MTUS2: variants seen among roughly 807,000 people sequenced by gnomAD.
MTUS2 encodes microtubule-associated tumor suppressor candidate 2.
In MTUS2, 40 loss-of-function variants were observed where a neutral mutation model predicts 114.1. That is an observed-to-expected ratio of 0.35 (90% CI 0.27 to 0.46). The LOEUF (loss-of-function observed/expected upper bound fraction) is 0.46. Ranked by LOEUF, MTUS2 falls within the 20% of genes least tolerant of loss-of-function variation. The pLI, the probability that MTUS2 is intolerant of heterozygous loss-of-function variation, is 1.00. For missense variants in MTUS2, 1,679 were observed against 1,705.4 expected (o/e 0.98, Z 0.27); for synonymous variants, 688 against 672.0 (o/e 1.02, Z -0.37).
At position 29,129,093 on chromosome 13, in the gene MTUS2, C is replaced by T. The variant is rs574678318; in HGVS notation, c.2644+28123C>T. On this transcript the variant is annotated intron_variant, in intron 5 of 15. Transcript: ENST00000612955. ...TGGCAAGTGCATTTCTGTGGAATTG[C>T]GGACACTCTGTGCACTTTCTCTGGT... Among the ~76,000 whole-genome samples, 12 of 151,946 alleles carry T rather than the reference C, an allele frequency of 7.9e-5. No homozygotes were observed. The South Asian group carries it at 1.5e-3, about 18-fold the overall frequency.
At chr13:29,371,895 G>A (rs764147781) in intron 8 of MTUS2, among the ~76,000 whole-genome samples, 1 of 150,898 alleles carries the variant, frequency 6.6e-6, no homozygotes, top group Admixed American at 6.7e-5. Flanking sequence ...CTAATGTTCA[G>A]CATGGTGATT....
intron 2 of MTUS2, among the ~76,000 whole-genome samples, chr13:28,989,136 T>G (rs1467626939): frequency 6.6e-6 from 1 of 152,202 alleles, no homozygotes; most frequent in African/African-American, 2.4e-5. Context: ...TAACTTAAGA[T>G]GCTCTGTTGG....
At chr13:29,206,575 G>A (rs1398630068) in intron 5 of MTUS2, among the ~76,000 whole-genome samples, 3 of 152,114 alleles carry the variant, frequency 2.0e-5, no homozygotes, top group African/African-American at 7.2e-5. Context: ...ATCTTGAGTT[G>A]ATTTTTTTAT....
intron 4 of MTUS2, among the ~76,000 whole-genome samples, 169 bp from the exon 5 acceptor site, chr13:29,100,604 T>G (rs1890369932): frequency 6.6e-6 from 1 of 152,140 alleles, no homozygotes; most frequent in Non-Finnish European, 1.5e-5. Flanking sequence ...ACCCACAATA[T>G]AAGGGGCCTT....
chr13:29,390,721 A>G (rs1873374960), intron 8 of MTUS2, among the ~76,000 whole-genome samples: 1 of 151,460 alleles, frequency 6.6e-6, no homozygotes, highest in Admixed American at 6.6e-5. Flanking sequence ...GTGTTGGTTT[A>G]GGAACAGAAC....
intron 4 of MTUS2, among the ~76,000 whole-genome samples, chr13:29,039,465 G>A (rs965613768): frequency 6.6e-6 from 1 of 152,202 alleles, no homozygotes; most frequent in African/African-American, 2.4e-5. Flanking sequence ...ACGTCACAGG[G>A]CGCAGCTGCA....
At chr13:28,884,361 A>G (rs1878464788) in intron 2 of MTUS2, among the ~76,000 whole-genome samples, 1 of 152,188 alleles carries the variant, frequency 6.6e-6, no homozygotes, top group Non-Finnish European at 1.5e-5. Context: ...AGGCAAATTC[A>G]TAGAGACAGG....
chr13:29,222,121 T>C (rs973356733), intron 5 of MTUS2, among the ~76,000 whole-genome samples: 3 of 152,182 alleles, frequency 2.0e-5, no homozygotes, highest in Non-Finnish European at 4.4e-5. Context: ...TTAATTTTAT[T>C]TGATTTTTTA....
intron 2 of MTUS2, among the ~76,000 whole-genome samples, chr13:28,842,689 G>A (rs75068781): frequency 0.043 from 6,516 of 152,264 alleles, 418 homozygotes; most frequent in African/African-American, 0.13. Context: ...TATATACTCT[G>A]CAGCAAGAGA....
intron 6 of MTUS2, among the ~76,000 whole-genome samples, chr13:29,288,292 C>T (rs1354611718): frequency 3.3e-5 from 5 of 152,086 alleles, no homozygotes; most frequent in African/African-American, 7.2e-5. Flanking sequence ...AAGGTAACTG[C>T]GATTGCCACC....
At chr13:29,188,080 T>G (rs1894297978) in intron 5 of MTUS2, among the ~76,000 whole-genome samples, 3 of 152,198 alleles carry the variant, frequency 2.0e-5, no homozygotes, top group African/African-American at 7.2e-5. Flanking sequence ...CTCCCAGGAA[T>G]ACAGATCTGG....
At chr13:29,079,428 T>C (rs767362071) in intron 4 of MTUS2, among the ~76,000 whole-genome samples, 46 of 152,158 alleles carry the variant, frequency 3.0e-4, no homozygotes, top group Non-Finnish European at 6.5e-4. Context: ...GAAATTCAAC[T>C]TACCTAAATT....
At chr13:29,363,892 C>G (rs9508415) in intron 8 of MTUS2, among the ~76,000 whole-genome samples, 48,981 of 152,008 alleles carry the variant, frequency 0.32, 7,997 homozygotes, top group Middle Eastern at 0.39. Flanking sequence ...TTTTAACCCT[C>G]ACAACAACCA....
rs1445953550 is a variant in MTUS2 at position 29,028,995 on chromosome 13, G to A, written c.2205+2092G>A. 8.5e-5 allele frequency among the ~76,000 whole-genome samples: 13 copies of A among 152,324 alleles called. No individual in the cohort carries two copies. In the East Asian group the frequency reaches 2.5e-3, roughly 29 times the overall value. ...GAATGCATCAATCACAACAGAAGTT[G>A]TCATATCTAGCACAAAGACAAAGTT... On this transcript the variant is annotated intron_variant, in intron 3 of 15. Coordinates refer to ENST00000612955, the MANE Select transcript of MTUS2 (RefSeq NM_001033602.4).
chr13:28,845,410 G>A (rs1344433557), intron 2 of MTUS2, among the ~76,000 whole-genome samples: 2 of 152,320 alleles, frequency 1.3e-5, no homozygotes, highest in Admixed American at 1.3e-4. Context: ...TTTCTGGAAT[G>A]AATGAAGCCA....
intron 2 of MTUS2, among the ~76,000 whole-genome samples, chr13:28,916,222 G>A (rs2984450): frequency 0.13 from 19,327 of 151,480 alleles, 1,476 homozygotes; most frequent in African/African-American, 0.2. Flanking sequence ...ATTTTAAGTC[G>A]GGCAAAGTAA....
intron 2 of MTUS2, among the ~76,000 whole-genome samples, chr13:28,841,885 C>T (rs555771466): frequency 6.6e-6 from 1 of 152,296 alleles, no homozygotes; most frequent in Non-Finnish European, 1.5e-5. Context: ...CGAGGTTTCG[C>T]CATGTTGGCC....
intron 2 of MTUS2, among the ~76,000 whole-genome samples, chr13:29,013,800 A>T (rs897671148): frequency 3.3e-5 from 5 of 152,240 alleles, no homozygotes; most frequent in African/African-American, 1.2e-4. Flanking sequence ...GCACAGGCAC[A>T]CGCATACCTA....
intron 5 of MTUS2, among the ~76,000 whole-genome samples, chr13:29,172,092 G>A (rs184422398): frequency 6.6e-6 from 1 of 152,334 alleles, no homozygotes; most frequent in African/African-American, 2.4e-5. Context: ...CCGCTGTGAA[G>A]CTTGGAGAGA....
Sources: gnomAD v4.1 joint callset for allele counts (sites outside exome capture counted in the v4.1 genomes callset) on GRCh38, gnomAD v4.1.1 for gene constraint, MANE v1.5 for transcripts, NCBI Gene and HGNC (gene_info 2026-07-23, HGNC 2026-07-21) for gene names.